The following USP24 variants were observed in gnomAD, a reference collection of about 807,000 sequenced individuals.
USP24 encodes the protein ubiquitin carboxyl-terminal hydrolase 24.
USP24 carries 97 observed loss-of-function variants against 361.6 expected under a neutral mutation model. That is an observed-to-expected ratio of 0.27 (90% CI 0.23 to 0.32). USP24 has a LOEUF of 0.32. USP24 is among the 10% of genes least tolerant of loss of function. USP24 has a pLI of 1.00. For missense variants in USP24, 2,353 were observed against 3,165.6 expected, an observed-to-expected ratio of 0.74 and a Z score of 6.16; for synonymous variants, 1,098 against 1,124.6, an observed-to-expected ratio of 0.98 and a Z score of 0.47.
chr1:55,207,877 T>C (rs1165345967), intron 1 of USP24, among the ~76,000 whole-genome samples: 1 of 152,194 alleles, frequency 6.6e-6, no homozygotes, highest in Non-Finnish European at 1.5e-5. Context: ...GGAAAGCAAA[T>C]TGTGTGCTGG....
rs1302892019 is a variant in USP24, at chr1:55,106,161, T to C, written c.4865A>G (p.Gln1622Arg). Residue 1622 changes from glutamine (Q) to arginine (R), a missense_variant, in exon 41 of 68, where the codon CAG becomes CGG. Gln to Arg is a conservative substitution (Grantham distance 43). Transcript: ENST00000294383. ...SPAGSAAISQ[Q>R]DFHPKCSTAN... The stretch of plus-strand genomic sequence containing the variant: ...TTTTCCATACTTTGGATGAAAGTCC[T>C]GTTGACTGATGGCGGCACTGCCAGC... The C allele has an allele frequency of 1.2e-6, 2 of 1,613,382 alleles. No individual in the cohort carries two copies. The highest frequency in any genetic ancestry group is 8.5e-7 in the Non-Finnish European group (1 of 1,179,338).
At chr1:55,093,392 T>A (rs1194894125) in intron 52 of USP24, among the ~76,000 whole-genome samples, 1 of 152,240 alleles carries the variant, frequency 6.6e-6, no homozygotes, top group Non-Finnish European at 1.5e-5. Flanking sequence ...TGAATTTAGA[T>A]CCTTGTCCTG....
chr1:55,154,554 A>G, intron 13 of USP24, 88 bp from the exon 14 acceptor site: 2 of 1,479,944 alleles, frequency 1.4e-6, no homozygotes, highest in East Asian at 2.5e-5. Context: ...AAACATTAAC[A>G]ACGTAAGAAA....
rs548755995 is a variant in USP24 at position 55,158,281 on chromosome 1, ACTC to A, written c.1227+594_1227+596del. Among the ~76,000 whole-genome samples, 21 of 152,110 alleles carry A rather than the reference ACTC, an allele frequency of 1.4e-4. No individual in the cohort carries two copies. In the South Asian group the frequency reaches 4.2e-3, roughly 30 times the overall value. On this transcript the variant is annotated intron_variant, in intron 10 of 67. Transcript: ENST00000294383. ...AAATAACCCAGCCTCTTTTCAATGA[ACTC>A]CTCTTTTGGTCTAAAATGGTTCAAG...
intron 13 of USP24, 89 bp downstream of exon 13, chr1:55,154,582 C>T: frequency 6.9e-7 from 1 of 1,453,778 alleles, no homozygotes; most frequent in Non-Finnish European, 9.4e-7. Flanking sequence ...TTAAATACTG[C>T]TAACTGGTGG....
At position 55,089,680 on chromosome 1, in the gene USP24, A is replaced by G. The variant is rs762806021; in HGVS notation, c.6615T>C (p.Ala2205=). 6.2e-7 allele frequency: 1 copy of G among 1,605,390 alleles called. No individual in the cohort carries two copies. Among genetic ancestry groups the G allele is most frequent in the South Asian group, 1.1e-5 (1 of 89,180 alleles). The change falls in exon 55 of 68, where the codon GCT becomes GCC. Residue 2205 remains alanine, a synonymous_variant. Coordinates refer to ENST00000294383, the MANE Select transcript of USP24 (RefSeq NM_015306.3). The part of the protein sequence containing the change: ...IEALLSKSFD[A]CQWLVEYFIS... ...TAAAATATTCAACTAACCACTGACA[A>G]GCATCAAAACTTTTTGAAAGCAATG... is the stretch of plus-strand genomic sequence containing the variant.
chr1:55,113,950 A>G (rs1277303297), intron 38 of USP24, among the ~76,000 whole-genome samples: 1 of 152,208 alleles, frequency 6.6e-6, no homozygotes, highest in Non-Finnish European at 1.5e-5. Flanking sequence ...GTATTCAGAT[A>G]GGAAGACAGG....
intron 1 of USP24, among the ~76,000 whole-genome samples, chr1:55,204,397 C>T (rs1250748509): frequency 6.6e-6 from 1 of 151,910 alleles, no homozygotes; most frequent in Non-Finnish European, 1.5e-5. Context: ...TTGAGAGAAT[C>T]ATCAATCTAC....
At position 55,154,458 on chromosome 1, in the gene USP24, C is replaced by T. The variant is rs1647410793; in HGVS notation, c.1563G>A (p.Glu521=). The change falls in exon 14 of 68, where the codon GAG becomes GAA. Residue 521 remains glutamate, a synonymous_variant. Transcript: ENST00000294383. The stretch of plus-strand genomic sequence containing the variant: ...TCTGTCTTACTCTATCACTCTCAGT[C>T]TCCCAGCTCTGTAGAACGGAAAAGA... ...HLFVLIQKSW[E]TESDRVRQKL... The T allele has an allele frequency of 6.4e-7, 1 of 1,551,438 alleles. No homozygotes were observed. Among genetic ancestry groups the T allele is most frequent in the African/African-American group, 1.4e-5 (1 of 73,136 alleles).
At position 55,203,977 on chromosome 1, in the gene USP24, C is replaced by G. The variant is rs555289952; in HGVS notation, c.324+10813G>C. The stretch of plus-strand genomic sequence containing the variant: ...AATTATAGGATGATCTGCTGCTACT[C>G]TAACTCACCAAAGTATTTCAAAATG... On this transcript the variant is annotated intron_variant, in intron 1 of 67. Coordinates refer to ENST00000294383, the MANE Select transcript of USP24 (RefSeq NM_015306.3). Among the ~76,000 whole-genome samples, 3 of 152,214 alleles carry G rather than the reference C, an allele frequency of 2.0e-5. No homozygotes were observed. In the South Asian group the frequency reaches 6.2e-4, roughly 32 times the overall value.
At chr1:55,179,374 C>T (rs892937957) in intron 1 of USP24, among the ~76,000 whole-genome samples, 2 of 152,140 alleles carry the variant, frequency 1.3e-5, no homozygotes, top group Admixed American at 1.3e-4. Flanking sequence ...TTGTTCCTGT[C>T]GATTTCTCTG....
chr1:55,209,682 A>AGAGC (rs1557714394), intron 1 of USP24, among the ~76,000 whole-genome samples: 1 of 152,220 alleles, frequency 6.6e-6, no homozygotes. Context: ...TAGTGCACTT[A>AGAGC]GAGCGCTTAG....
chr1:55,174,639 A>G (rs1649774692), intron 3 of USP24, among the ~76,000 whole-genome samples: 1 of 152,242 alleles, frequency 6.6e-6, no homozygotes, highest in South Asian at 2.1e-4. Flanking sequence ...TTGCTGGTGA[A>G]TGGACTGGAT....
chr1:55,111,247 AACATATAATT>A (rs1196014774), intron 38 of USP24, among the ~76,000 whole-genome samples: 73 of 152,148 alleles, frequency 4.8e-4, no homozygotes, highest in African/African-American at 1.7e-3. Flanking sequence ...AAATTATGCA[AACATATAATT>A]AAAGATTCAC....
chr1:55,191,774 GC>G (rs1208298128), intron 1 of USP24, among the ~76,000 whole-genome samples: 1 of 152,134 alleles, frequency 6.6e-6, no homozygotes, highest in Non-Finnish European at 1.5e-5. Flanking sequence ...ACAGGCATGA[GC>G]CACCCTGCCT....
At chr1:55,149,022 A>C (rs904349829) in intron 16 of USP24, among the ~76,000 whole-genome samples, 2 of 152,246 alleles carry the variant, frequency 1.3e-5, no homozygotes, top group Non-Finnish European at 2.9e-5. Context: ...GATATGATCA[A>C]GACACTGGTA....
chr1:55,079,626 C>T lies in USP24; in HGVS notation c.7112G>A (p.Ser2371Asn), dbSNP rs1349398065. The change falls in exon 60 of 68, where the codon AGC becomes AAC. Residue 2371 changes from serine (S) to asparagine (N), a missense_variant. Ser to Asn is a conservative substitution (Grantham distance 46). Transcript: ENST00000294383. ...CAACAGAGGGCTTGAGGGAGCAATG[C>T]TAATGGGTGGTCGTTGCTTAAATAT... ...PGIFKQRPPISIAPSSPLLPL... is the reference protein window; with the variant it reads ...PGIFKQRPPINIAPSSPLLPL... 3 of 1,543,784 alleles carry T rather than the reference C, an allele frequency of 1.9e-6. No individual in the cohort carries two copies. Among genetic ancestry groups the T allele is most frequent in the African/African-American group, 1.4e-5 (1 of 70,048 alleles).
At position 55,096,944 on chromosome 1, in the gene USP24, A is replaced by G; in HGVS notation, c.5936+8T>C. The stretch of plus-strand genomic sequence containing the variant: ...AAGTGAGTAAGTGCTGCCTCAGGAA[A>G]CTCTTACCGCCTGTCCTTAATGAAG... On this transcript the variant is annotated splice_region_variant and intron_variant, in intron 49 of 67. Transcript: ENST00000294383. 1 of 1,611,114 alleles carries G rather than the reference A, an allele frequency of 6.2e-7. No individual in the cohort carries two copies.
At chr1:55,082,055 C>T (rs1226573467) in intron 58 of USP24, among the ~76,000 whole-genome samples, 1 of 152,184 alleles carries the variant, frequency 6.6e-6, no homozygotes, top group Non-Finnish European at 1.5e-5. Context: ...GCACGTGATG[C>T]TGTCAGTACT....
Sources: gnomAD v4.1 joint callset for allele counts (sites outside exome capture counted in the v4.1 genomes callset) on GRCh38, gnomAD v4.1.1 for gene constraint, MANE v1.5 for transcripts, NCBI Gene and HGNC (gene_info 2026-07-23, HGNC 2026-07-21) for gene names.